TAMALIN: variants seen among roughly 807,000 people sequenced by gnomAD.
TAMALIN encodes the protein protein TAMALIN.
A neutral mutation model predicts 38.5 loss-of-function variants in TAMALIN; 9 were observed. The observed-to-expected ratio is 0.23, with a 90% CI of 0.14 to 0.41. The LOEUF (loss-of-function observed/expected upper bound fraction) is 0.41, where lower values mean the gene tolerates loss of function less well. Ranked by LOEUF, TAMALIN falls within the 10% of genes least tolerant of loss-of-function variation. TAMALIN has a pLI of 1.00. For synonymous variants in TAMALIN, 306 were observed against 256.5 expected, an observed-to-expected ratio of 1.19 and a Z score of -1.85; for missense variants, 548 against 554.1, an observed-to-expected ratio of 0.99 and a Z score of 0.11.
In TAMALIN at chr12:52,014,681, C is replaced by T. The variant is rs754232326; in HGVS notation, c.683-13C>T. On this transcript the variant is annotated splice_polypyrimidine_tract_variant and intron_variant, in intron 7 of 7. Transcript: ENST00000293662. ...GGCCTGACCCGCCCCCTACCTCTCCCGTCTCTGCGCAGGCCTGGTGGTGAA... is the reference window on the plus strand; with the variant it reads ...GGCCTGACCCGCCCCCTACCTCTCCTGTCTCTGCGCAGGCCTGGTGGTGAA... 2.0e-6 allele frequency: 3 copies of T among 1,473,394 alleles called. No individual in the cohort carries two copies. The highest frequency in any genetic ancestry group is 2.7e-6 in the Non-Finnish European group (3 of 1,125,106). 91.3% of individuals were successfully genotyped at this position (1,473,394 alleles called of 1,614,324 possible).
chr12:52,007,275 C>A lies in TAMALIN; in HGVS notation c.246+10C>A. The A allele has an allele frequency of 1.4e-6, 2 of 1,400,340 alleles. No individual in the cohort carries two copies. The highest frequency in any genetic ancestry group is 3.4e-5 in the South Asian group (2 of 59,032). 86.7% of individuals were successfully genotyped at this position (1,400,340 alleles called of 1,614,324 possible). A position where few individuals can be genotyped will look rare whatever the true frequency, so the allele number is the denominator to read the frequency against. On this transcript the variant is annotated intron_variant, in intron 1 of 7. Transcript: ENST00000293662. The surrounding 1 kb of genome is among the most constrained non-coding windows in gnomAD (Gnocchi z 6.7). Reference sequence around the variant, plus strand: ...CCTGCCCCGCCGAAAGGTGCGTCCCCCGCCCGCCTTCAGGATCTGCTCAGC... The same window carrying A: ...CCTGCCCCGCCGAAAGGTGCGTCCCACGCCCGCCTTCAGGATCTGCTCAGC...
At chr12:52,010,202 G>C (rs530902787) in intron 2 of TAMALIN, among the ~76,000 whole-genome samples, 11 of 152,310 alleles carry the variant, frequency 7.2e-5, no homozygotes, top group Admixed American at 1.3e-4. Flanking sequence ...GGGCCTTTCC[G>C]AGGCTGAGCT....
intron 1 of TAMALIN, 69 bp from the exon 2 acceptor site, chr12:52,009,121 G>T: frequency 6.7e-7 from 1 of 1,484,616 alleles, no homozygotes; most frequent in Non-Finnish European, 9.4e-7. Flanking sequence ...TGTGTCCAGG[G>T]TAACCTCTCA....
chr12:52,013,139 G>A (rs548927403), intron 4 of TAMALIN, among the ~76,000 whole-genome samples: 20 of 147,520 alleles, frequency 1.4e-4, no homozygotes, highest in Non-Finnish European at 2.5e-4. Context: ...GTGCAGTGGC[G>A]CGATCTCGGC....
Position 52,007,682 on chromosome 12 carries a change from G to A in TAMALIN, c.246+417G>A, listed in dbSNP as rs1262208427. On this transcript the variant is annotated intron_variant, in intron 1 of 7. Coordinates refer to ENST00000293662, the MANE Select transcript of TAMALIN (RefSeq NM_181711.4). This position sits in a 1 kb window ranked among gnomAD's most constrained non-coding sequence, Gnocchi z 6.7. ...GAGCCCCCGGTGGGAGAAGCGGGCC[G>A]GTGGCTGCGCCGCGTGCGTTCTCAC... 2.0e-6 allele frequency: 2 copies of A among 985,292 alleles called. No individual in the cohort carries two copies. Among genetic ancestry groups the A allele is most frequent in the African/African-American group, 3.5e-5 (2 of 57,236 alleles). The allele number at this position is 985,292 out of a possible 1,614,324, so 61.0% of individuals were successfully genotyped here.
Position 52,015,462 on chromosome 12 carries a change from C to T in TAMALIN, c.*263C>T, listed in dbSNP as rs1045093475. On this transcript the variant is annotated 3_prime_UTR_variant, in exon 8 of 8. Transcript: ENST00000293662. ...ATCGGGGGCCAAAGATGGGGGTGCTCGCCTACAGTCTGCATCTGTAGTGCC... is the reference window on the plus strand; with the variant it reads ...ATCGGGGGCCAAAGATGGGGGTGCTTGCCTACAGTCTGCATCTGTAGTGCC... 1.8e-5 allele frequency: 8 copies of T among 441,762 alleles called. No homozygotes were observed. Among genetic ancestry groups the T allele is most frequent in the Admixed American group, 4.0e-5 (1 of 25,168 alleles). The allele number at this position is 441,762 out of a possible 1,614,324, so 27.4% of individuals were successfully genotyped here.
At position 52,015,390 on chromosome 12, in the gene TAMALIN, C is replaced by G. The variant is rs569956388; in HGVS notation, c.*191C>G. 1.5e-6 allele frequency: 1 copy of G among 664,514 alleles called. No individual in the cohort carries two copies. Among genetic ancestry groups the G allele is most frequent in the East Asian group, 3.5e-5 (1 of 28,326 alleles). The allele number at this position is 664,514 out of a possible 1,614,324, so 41.2% of individuals were successfully genotyped here. On this transcript the variant is annotated 3_prime_UTR_variant, in exon 8 of 8. Transcript: ENST00000293662. ...TGGGGGGCCCAGCCCCTTCTCTTCT[C>G]CCCCGCCAAACCACAGTGGGAGCTG...
rs1208125952 is a variant in TAMALIN at position 52,007,127 on chromosome 12, C to T, written c.108C>T (p.Val36=). 1 of 1,486,952 alleles carries T rather than the reference C, an allele frequency of 6.7e-7. No homozygotes were observed. 92.1% of individuals were successfully genotyped at this position (1,486,952 alleles called of 1,614,324 possible). ...PDSEVAPAAP[V]PTPGPPAAAA... ...CGGAAGTCGCGCCCGCCGCTCCGGTCCCGACCCCGGGACCCCCTGCCGCAG... is the reference window on the plus strand; with the variant it reads ...CGGAAGTCGCGCCCGCCGCTCCGGTTCCGACCCCGGGACCCCCTGCCGCAG... The change falls in exon 1 of 8, where the codon GTC becomes GTT. Residue 36 remains valine (V), a synonymous_variant. Transcript: ENST00000293662. The surrounding 1 kb of genome is among the most constrained non-coding windows in gnomAD (Gnocchi z 6.7).
chr12:52,010,277 G>C (rs997872673), intron 2 of TAMALIN, among the ~76,000 whole-genome samples: 1 of 152,184 alleles, frequency 6.6e-6, no homozygotes, highest in African/African-American at 2.4e-5. Context: ...GAAGGGGGTG[G>C]GAGTGGGCAG....
At position 52,007,632 on chromosome 12, in the gene TAMALIN, AG is replaced by A. The variant is rs762251172; in HGVS notation, c.246+368del. The A allele has an allele frequency of 1.3e-4, 125 of 985,214 alleles. No homozygotes were observed. Among genetic ancestry groups the A allele is most frequent in the Non-Finnish European group, 1.5e-4 (123 of 829,896 alleles). 61.0% of individuals were successfully genotyped at this position (985,214 alleles called of 1,614,324 possible). On this transcript the variant is annotated intron_variant, in intron 1 of 7. Transcript: ENST00000293662. The surrounding 1 kb of genome is among the most constrained non-coding windows in gnomAD (Gnocchi z 6.7). ...AGCCCCTCGCCCGAGGGACAGAGAC[AG>A]CCCCAGGCAAGTTGAAGGTCCGAGA...
intron 1 of TAMALIN, chr12:52,008,881 G>T: frequency 2.3e-6 from 1 of 427,578 alleles, no homozygotes; most frequent in Non-Finnish European, 3.1e-6. Context: ...GACCATTTTA[G>T]AATAATGATC....
chr12:52,009,152 C>T (rs1329756764), intron 1 of TAMALIN, 38 bp from the exon 2 acceptor site: 4 of 1,608,572 alleles, frequency 2.5e-6, no homozygotes, highest in East Asian at 4.5e-5. Flanking sequence ...AAGGACAGTC[C>T]CGCCTTACCT....
intron 2 of TAMALIN, chr12:52,010,481 G>T (rs1942484541): frequency 8.8e-6 from 9 of 1,028,268 alleles, no homozygotes; most frequent in Non-Finnish European, 1.1e-5. Flanking sequence ...CTGGCCTCTG[G>T]GGGTGGGGCC....
intron 1 of TAMALIN, chr12:52,008,332 TAGGG>T: frequency 1.0e-6 from 1 of 985,214 alleles, no homozygotes; most frequent in Non-Finnish European, 1.2e-6. Context: ...ACCAAAAAGT[TAGGG>T]AGGGTGAGAG....
chr12:52,012,961 C>T (rs1015669556), intron 4 of TAMALIN, among the ~76,000 whole-genome samples: 4 of 152,186 alleles, frequency 2.6e-5, no homozygotes, highest in African/African-American at 9.7e-5. Context: ...GGGTGCTGCT[C>T]ACCTGCTCTT....
At chr12:52,009,382 G>A in intron 2 of TAMALIN, 143 bp downstream of exon 2, 1 of 775,570 alleles carries the variant, frequency 1.3e-6, no homozygotes, top group Non-Finnish European at 2.1e-6. Flanking sequence ...AGTGAGGGCA[G>A]GTGGGGGTGA....
At position 52,011,395 on chromosome 12, in the gene TAMALIN, C is replaced by T. The variant is rs1180135512; in HGVS notation, c.454+254C>T. The T allele has an allele frequency of 1.6e-6, 1 of 615,816 alleles. No individual in the cohort carries two copies. The highest frequency in any genetic ancestry group is 2.9e-6 in the Non-Finnish European group (1 of 347,624). The allele number at this position is 615,816 out of a possible 1,614,324, so 38.1% of individuals were successfully genotyped here. On this transcript the variant is annotated intron_variant, in intron 4 of 7. Transcript: ENST00000293662. The surrounding 1 kb of genome is among the most constrained non-coding windows in gnomAD (Gnocchi z 5.3). ...ACATCACAGTGCGGCAAGGGGATTC[C>T]CTGGGCACACTGCCAGGGCCTAATT...
chr12:52,007,840 G>A lies in TAMALIN; in HGVS notation c.246+575G>A. On this transcript the variant is annotated intron_variant, in intron 1 of 7. Coordinates refer to ENST00000293662, the MANE Select transcript of TAMALIN (RefSeq NM_181711.4). This position sits in a 1 kb window ranked among gnomAD's most constrained non-coding sequence, Gnocchi z 6.7. ...CGGGGCGCGAGGGCCACTGCTCCCT[G>A]GACTTCTGTCGGAACCGGACGCAGT... 1.0e-6 allele frequency: 1 copy of A among 985,450 alleles called. No homozygotes were observed. Among genetic ancestry groups the A allele is most frequent in the Non-Finnish European group, 1.2e-6 (1 of 829,930 alleles). 61.0% of individuals were successfully genotyped at this position (985,450 alleles called of 1,614,324 possible).
At chr12:52,009,373 G>A in intron 2 of TAMALIN, 134 bp downstream of exon 2, 2 of 815,750 alleles carry the variant, frequency 2.5e-6, no homozygotes, top group South Asian at 1.6e-5. Flanking sequence ...CCCGCTGGGA[G>A]TGAGGGCAGG....
Sources: gnomAD v4.1 joint callset for allele counts (sites outside exome capture counted in the v4.1 genomes callset) on GRCh38, gnomAD v4.1.1 for gene constraint, Gnocchi (gnomAD v3.1) non-coding constraint, MANE v1.5 for transcripts, NCBI Gene and HGNC (gene_info 2026-07-23, HGNC 2026-07-21) for gene names.